GABBR2: variants seen among roughly 807,000 people sequenced by gnomAD.
GABBR2 encodes gamma-aminobutyric acid type B receptor subunit 2, also known as G-protein coupled receptor 51.
Under a neutral mutation model 105.6 loss-of-function variants are expected in GABBR2, and 23 were observed. The observed-to-expected ratio is 0.22, with a 90% CI of 0.16 to 0.31. The LOEUF is 0.31. GABBR2 is among the 10% of genes least tolerant of loss of function. The probability of loss-of-function intolerance (pLI) is 1.00; values close to 1 mark genes in which losing one functional copy is unlikely to be tolerated. For synonymous variants in GABBR2, 478 were observed against 499.7 expected, an observed-to-expected ratio of 0.96 and a Z score of 0.58; for missense variants, 734 against 1,245.5, an observed-to-expected ratio of 0.59 and a Z score of 6.18.
chr9:98,487,833 C>A (rs77274586), intron 4 of GABBR2, among the ~76,000 whole-genome samples: 1 of 151,936 alleles, frequency 6.6e-6, no homozygotes, highest in South Asian at 2.1e-4. Context: ...CCTGTGAGTA[C>A]GTTATGTCAC....
chr9:98,430,152 T>C (rs1209326559), intron 7 of GABBR2, among the ~76,000 whole-genome samples: 1 of 152,034 alleles, frequency 6.6e-6, no homozygotes, highest in East Asian at 1.9e-4. Context: ...TAGCCGGGCT[T>C]GGTGGTGCAC....
chr9:98,465,335 A>T (rs1826527051), intron 6 of GABBR2, among the ~76,000 whole-genome samples: 2 of 152,190 alleles, frequency 1.3e-5, no homozygotes, highest in Admixed American at 1.3e-4. Context: ...CATGTAAAAA[A>T]AGAAAAGAAG....
rs1042358632 is a variant in GABBR2 at position 98,665,529 on chromosome 9, C to T, written c.321+42888G>A. 3.3e-5 allele frequency among the ~76,000 whole-genome samples: 5 copies of T among 152,072 alleles called. No individual in the cohort carries two copies. The East Asian group carries it at 9.7e-4, about 29-fold the overall frequency. ...AGCACAAGCAGCCCTAACAATTCAG[C>T]CATATGACCCAGCAGACCCTATAGT... On this transcript the variant is annotated intron_variant, in intron 1 of 18. Coordinates refer to ENST00000259455, the MANE Select transcript of GABBR2 (RefSeq NM_005458.8).
At chr9:98,519,574 G>A (rs1827826405) in intron 3 of GABBR2, among the ~76,000 whole-genome samples, 1 of 152,240 alleles carries the variant, frequency 6.6e-6, no homozygotes, top group African/African-American at 2.4e-5. Flanking sequence ...ACCAGTTTAT[G>A]GGTAAATAAA....
intron 16 of GABBR2, among the ~76,000 whole-genome samples, chr9:98,302,449 G>C (rs1395205796): frequency 6.6e-6 from 1 of 152,176 alleles, no homozygotes; most frequent in Non-Finnish European, 1.5e-5. Context: ...TGCCCCAACC[G>C]GGCCCTCTCT....
chr9:98,618,286 T>C (rs1829616144), intron 1 of GABBR2, among the ~76,000 whole-genome samples: 1 of 152,188 alleles, frequency 6.6e-6, no homozygotes, highest in Non-Finnish European at 1.5e-5. Context: ...TTACTAGACT[T>C]GTGCCCTTTT....
chr9:98,621,154 G>A (rs1357621993), intron 1 of GABBR2, among the ~76,000 whole-genome samples: 1 of 152,194 alleles, frequency 6.6e-6, no homozygotes, highest in East Asian at 1.9e-4. Context: ...TTGAAGGCAT[G>A]GCAGTCCAGG....
At chr9:98,540,482 T>A (rs1383954995) in intron 3 of GABBR2, among the ~76,000 whole-genome samples, 3 of 152,136 alleles carry the variant, frequency 2.0e-5, no homozygotes. Flanking sequence ...CTCCTTCCCA[T>A]GGAAGAGACA....
intron 1 of GABBR2, among the ~76,000 whole-genome samples, chr9:98,642,543 A>T (rs771090050): frequency 9.8e-5 from 15 of 152,302 alleles, no homozygotes; most frequent in Admixed American, 5.2e-4. Flanking sequence ...GTCTGGTCTA[A>T]CCTAGCTTTC....
chr9:98,629,616 G>A (rs1337491590), intron 1 of GABBR2, among the ~76,000 whole-genome samples: 1 of 152,078 alleles, frequency 6.6e-6, no homozygotes, highest in Non-Finnish European at 1.5e-5. Context: ...TTTCATTTGG[G>A]GTCACCCCTT....
intron 13 of GABBR2, among the ~76,000 whole-genome samples, chr9:98,342,842 C>A (rs1831236940): frequency 6.6e-6 from 1 of 152,212 alleles, no homozygotes; most frequent in Non-Finnish European, 1.5e-5. Context: ...CAGGCCATTA[C>A]AATGTCTCTT....
chr9:98,660,407 G>C (rs1471881511), intron 1 of GABBR2, among the ~76,000 whole-genome samples: 1 of 152,168 alleles, frequency 6.6e-6, no homozygotes, highest in African/African-American at 2.4e-5. Context: ...GTACCAACCT[G>C]AGAGTAAAAG....
chr9:98,296,693 C>G (rs1248393924), intron 17 of GABBR2, among the ~76,000 whole-genome samples: 2 of 152,174 alleles, frequency 1.3e-5, no homozygotes, highest in African/African-American at 4.8e-5. Flanking sequence ...TGAGAACTCT[C>G]TTTTGCTCAT....
chr9:98,419,146 C>T (rs888291179), intron 7 of GABBR2, among the ~76,000 whole-genome samples: 10 of 152,114 alleles, frequency 6.6e-5, no homozygotes, highest in African/African-American at 1.7e-4. Context: ...GTGCAGCAGC[C>T]GTCCAGGCGC....
At chr9:98,293,620 T>C (rs1473349806) in intron 18 of GABBR2, among the ~76,000 whole-genome samples, 165 bp downstream of exon 18, 1 of 152,236 alleles carries the variant, frequency 6.6e-6, no homozygotes, top group East Asian at 1.9e-4. Context: ...TTTTGAATAT[T>C]AGTTTTTCAT....
chr9:98,604,933 T>C (rs532707767), intron 1 of GABBR2, among the ~76,000 whole-genome samples: 1 of 152,230 alleles, frequency 6.6e-6, no homozygotes, highest in East Asian at 1.9e-4. Flanking sequence ...ATCCAGTAAA[T>C]AATGACTGAG....
At chr9:98,385,398 G>C (rs576287583) in intron 11 of GABBR2, among the ~76,000 whole-genome samples, 1 of 152,136 alleles carries the variant, frequency 6.6e-6, no homozygotes, top group Admixed American at 6.5e-5. Flanking sequence ...GTAGAGACAG[G>C]GTTTCACCAT....
intron 7 of GABBR2, among the ~76,000 whole-genome samples, chr9:98,439,627 C>T (rs1180485701): frequency 6.6e-6 from 1 of 152,066 alleles, no homozygotes; most frequent in Non-Finnish European, 1.5e-5. Flanking sequence ...TGTGTGTGTG[C>T]ATGCATGCAT....
intron 7 of GABBR2, among the ~76,000 whole-genome samples, chr9:98,415,854 A>G (rs1330003328): frequency 2.0e-5 from 3 of 152,178 alleles, no homozygotes; most frequent in Non-Finnish European, 4.4e-5. Context: ...TGCTTCTAAC[A>G]ACATGCCATT....
Sources: allele counts gnomAD v4.1 joint callset (sites outside exome capture counted in the v4.1 genomes callset), GRCh38; gene constraint gnomAD v4.1.1; transcripts MANE v1.5; gene names NCBI Gene and HGNC (gene_info 2026-07-23, HGNC 2026-07-21).